The following FTO variants were observed in gnomAD, a reference collection of about 807,000 sequenced individuals.
FTO encodes the protein alpha-ketoglutarate-dependent dioxygenase FTO.
In FTO, 47 loss-of-function variants were observed where a neutral mutation model predicts 63.9. The observed-to-expected ratio is 0.74, with a 90% CI of 0.58 to 0.94. The LOEUF is 0.94. Among genes scored for constraint, FTO ranks in the 40% least tolerant of loss-of-function variants. FTO has a pLI of 0.00. For missense variants in FTO, 562 were observed against 618.1 expected (o/e 0.91, Z 0.96); for synonymous variants, 207 against 224.4 (o/e 0.92, Z 0.69).
At chr16:54,083,204 G>A (rs1250926933) in intron 8 of FTO, among the ~76,000 whole-genome samples, 1 of 152,136 alleles carries the variant, frequency 6.6e-6, no homozygotes, top group Non-Finnish European at 1.5e-5. Context: ...TTTACAAGCA[G>A]CATCCTCATC....
intron 1 of FTO, among the ~76,000 whole-genome samples, chr16:53,795,501 C>T (rs943862882): frequency 4.6e-5 from 7 of 152,020 alleles, no homozygotes; most frequent in African/African-American, 9.7e-5. Flanking sequence ...ACCAGATTCT[C>T]GCGATGTTGC....
At chr16:53,821,041 A>G (rs772546943) in intron 2 of FTO, among the ~76,000 whole-genome samples, 14 of 152,232 alleles carry the variant, frequency 9.2e-5, no homozygotes, top group Non-Finnish European at 1.6e-4. Context: ...ATGTGGTTAT[A>G]TGTTTTTCCT....
At chr16:53,793,680 G>A (rs1375095828) in intron 1 of FTO, among the ~76,000 whole-genome samples, 3 of 152,162 alleles carry the variant, frequency 2.0e-5, no homozygotes, top group East Asian at 1.9e-4. Flanking sequence ...ATAGAATGGC[G>A]TGAACGCGGG....
intron 7 of FTO, among the ~76,000 whole-genome samples, chr16:53,900,211 T>C (rs1054944181): frequency 3.9e-5 from 6 of 152,212 alleles, no homozygotes; most frequent in African/African-American, 1.4e-4. Context: ...AATTTTTTTT[T>C]CTTTAATGTG....
intron 8 of FTO, among the ~76,000 whole-genome samples, chr16:54,092,887 G>A (rs577738167): frequency 6.6e-6 from 1 of 152,210 alleles, no homozygotes; most frequent in Non-Finnish European, 1.5e-5. Context: ...GGACTGCAGA[G>A]GTCATGGGAT....
In FTO at chr16:53,875,396, G is replaced by A. The variant is rs558412538; in HGVS notation, c.975+1531G>A. Among the ~76,000 whole-genome samples the A allele has an allele frequency of 2.4e-4, 37 of 152,290 alleles. 1 individual carries two copies. The South Asian group carries it at 6.4e-3, about 26-fold the overall frequency. On this transcript the variant is annotated intron_variant, in intron 5 of 8. Coordinates refer to ENST00000471389, the MANE Select transcript of FTO (RefSeq NM_001080432.3). ...AAATATGTTCATGGGGATAAGAATCGTACCTAATCGTAGTGTTCTTATGAG... is the reference window on the plus strand; with the variant it reads ...AAATATGTTCATGGGGATAAGAATCATACCTAATCGTAGTGTTCTTATGAG...
intron 8 of FTO, among the ~76,000 whole-genome samples, chr16:54,057,589 G>A (rs181363052): frequency 3.1e-3 from 468 of 151,844 alleles, no homozygotes; most frequent in Non-Finnish European, 5.3e-3. Context: ...TCAGCATCCC[G>A]AGTAGCTGGG....
intron 1 of FTO, among the ~76,000 whole-genome samples, chr16:53,801,241 T>TG (rs1364956702): frequency 6.7e-6 from 1 of 149,356 alleles, no homozygotes; most frequent in African/African-American, 2.4e-5. Context: ...AATTTTTTGG[T>TG]TTTTTTTTTA....
At chr16:53,723,181 T>C (rs1400837866) in intron 1 of FTO, among the ~76,000 whole-genome samples, 3 of 152,250 alleles carry the variant, frequency 2.0e-5, no homozygotes, top group Non-Finnish European at 4.4e-5. Context: ...CAGAAGGCTG[T>C]AACAGTGAAA....
At chr16:53,727,173 T>C (rs1323081268) in intron 1 of FTO, among the ~76,000 whole-genome samples, 1 of 152,222 alleles carries the variant, frequency 6.6e-6, no homozygotes, top group Non-Finnish European at 1.5e-5. Flanking sequence ...AGTGAACTGT[T>C]GTCTCAAGTG....
chr16:54,109,541 A>G (rs1373612426), intron 8 of FTO, among the ~76,000 whole-genome samples: 9 of 152,166 alleles, frequency 5.9e-5, no homozygotes, highest in Admixed American at 5.9e-4. Flanking sequence ...CACATTGCCC[A>G]GGCTGGTTTC....
At chr16:53,719,253 C>T (rs202122730) in intron 1 of FTO, among the ~76,000 whole-genome samples, 1 of 135,698 alleles carries the variant, frequency 7.4e-6, no homozygotes, top group Non-Finnish European at 1.6e-5. Flanking sequence ...TCTTCTTCTT[C>T]TTTTTTTTTT....
At chr16:53,755,479 C>T (rs1257415324) in intron 1 of FTO, among the ~76,000 whole-genome samples, 7 of 152,106 alleles carry the variant, frequency 4.6e-5, no homozygotes, top group Non-Finnish European at 1.0e-4. Flanking sequence ...TTGTCAAGTC[C>T]ATATATTTCG....
chr16:53,974,442 T>A (rs544802140), intron 8 of FTO, among the ~76,000 whole-genome samples: 1 of 152,304 alleles, frequency 6.6e-6, no homozygotes, highest in Non-Finnish European at 1.5e-5. Context: ...ACATCAAGAT[T>A]CACCATGAGT....
At chr16:54,106,649 A>T (rs1190042730) in intron 8 of FTO, among the ~76,000 whole-genome samples, 2 of 138,660 alleles carry the variant, frequency 1.4e-5, no homozygotes, top group African/African-American at 5.3e-5. Context: ...TACATATAAT[A>T]GTTATATCAT....
intron 3 of FTO, among the ~76,000 whole-genome samples, chr16:53,829,782 A>G (rs1317883848): frequency 6.6e-6 from 1 of 152,160 alleles, no homozygotes; most frequent in East Asian, 1.9e-4. Context: ...TCGTGATTAT[A>G]ATTATGAAAT....
intron 7 of FTO, among the ~76,000 whole-genome samples, chr16:53,902,484 C>A (rs899122578): frequency 6.6e-5 from 10 of 152,186 alleles, no homozygotes; most frequent in Admixed American, 6.5e-4. Context: ...CGCCAACTTT[C>A]AACGGTGTGC....
intron 1 of FTO, among the ~76,000 whole-genome samples, chr16:53,715,587 T>C (rs2075876972): frequency 6.6e-6 from 1 of 152,202 alleles, no homozygotes; most frequent in Non-Finnish European, 1.5e-5. Flanking sequence ...CTTGGTTCAG[T>C]AGATTGCTTT....
intron 8 of FTO, among the ~76,000 whole-genome samples, chr16:53,988,974 G>A (rs547431555): frequency 1.6e-4 from 25 of 152,190 alleles, no homozygotes; most frequent in Admixed American, 2.6e-4. Context: ...GGGAGACCTA[G>A]GTGCCATAAA....
Sources: gnomAD v4.1 joint callset for allele counts (sites outside exome capture counted in the v4.1 genomes callset) on GRCh38, gnomAD v4.1.1 for gene constraint, MANE v1.5 for transcripts, NCBI Gene and HGNC (gene_info 2026-07-23, HGNC 2026-07-21) for gene names.